APBB2: variants seen among roughly 807,000 people sequenced by gnomAD.
APBB2 encodes amyloid beta precursor protein binding family B member 2, also known as Fe65-like 1.
APBB2 carries 38 observed loss-of-function variants against 82.5 expected under a neutral mutation model. That is an observed-to-expected ratio of 0.46 (90% CI 0.36 to 0.60). The LOEUF is 0.60. APBB2 is among the 20% of genes least tolerant of loss of function. APBB2 has a pLI of 0.00. For synonymous variants in APBB2, 341 were observed against 368.2 expected (o/e 0.93, Z 0.85); for missense variants, 772 against 972.3 (o/e 0.79, Z 2.74).
chr4:40,908,014 G>GGT (rs558365424), intron 10 of APBB2, among the ~76,000 whole-genome samples: 4 of 151,070 alleles, frequency 2.6e-5, no homozygotes, highest in Admixed American at 6.6e-5. Flanking sequence ...ATGTGTATGT[G>GGT]GTGTGTGTGT....
At chr4:40,928,834 G>A (rs1324054769) in intron 10 of APBB2, among the ~76,000 whole-genome samples, 3 of 151,194 alleles carry the variant, frequency 2.0e-5, no homozygotes, top group Non-Finnish European at 2.9e-5. Flanking sequence ...GCAGTGAGCC[G>A]AGATCGCACC....
chr4:40,923,437 C>G (rs551412464), intron 10 of APBB2, among the ~76,000 whole-genome samples: 4 of 152,210 alleles, frequency 2.6e-5, no homozygotes, highest in Non-Finnish European at 5.9e-5. Context: ...GCTTCAGGAC[C>G]CCCAGGTCTC....
intron 3 of APBB2, among the ~76,000 whole-genome samples, chr4:41,073,669 C>T (rs1368000545): frequency 4.6e-5 from 7 of 151,938 alleles, no homozygotes; most frequent in African/African-American, 9.7e-5. Flanking sequence ...TTTTTTTCTC[C>T]GTGGTAATGG....
In APBB2 at chr4:40,816,066, A is replaced by G. The variant is rs185604850; in HGVS notation, c.*26T>C. ...GTGTAGCTAGTCAATCTTCAGGTAA[A>G]TAGCCGAGTCCTTTTGCATGTGCAG... is the stretch of plus-strand genomic sequence containing the variant. On this transcript the variant is annotated 3_prime_UTR_variant, in exon 18 of 18. Coordinates refer to ENST00000508593, the MANE Select transcript of APBB2 (RefSeq NM_004307.2). 2 of 1,602,724 alleles carry G rather than the reference A, an allele frequency of 1.2e-6. No individual in the cohort carries two copies. The highest frequency in any genetic ancestry group is 2.2e-5 in the East Asian group (1 of 44,614).
intron 12 of APBB2, among the ~76,000 whole-genome samples, chr4:40,889,068 C>A (rs1172819691): frequency 6.6e-6 from 1 of 152,256 alleles, no homozygotes; most frequent in African/African-American, 2.4e-5. Flanking sequence ...GGTGTGCGCA[C>A]ATAATCCATC....
At chr4:41,077,506 A>C (rs1736054105) in intron 3 of APBB2, among the ~76,000 whole-genome samples, 1 of 152,226 alleles carries the variant, frequency 6.6e-6, no homozygotes, top group Non-Finnish European at 1.5e-5. Flanking sequence ...AAAAGAAACA[A>C]GTCACATACA....
chr4:41,097,749 ACAAT>A (rs1362340816), intron 3 of APBB2, among the ~76,000 whole-genome samples: 4 of 152,288 alleles, frequency 2.6e-5, no homozygotes, highest in African/African-American at 9.6e-5. Context: ...TCTACCTCAA[ACAAT>A]CAATTTTCTG....
chr4:41,207,995 TAAG>T (rs1390884951), intron 1 of APBB2: 2 of 152,268 alleles, frequency 1.3e-5, no homozygotes, highest in East Asian at 3.8e-4. Context: ...ATCATTGTGA[TAAG>T]AACAGTGAAA....
intron 3 of APBB2, among the ~76,000 whole-genome samples, chr4:41,090,010 T>C (rs578093920): frequency 6.6e-6 from 1 of 152,294 alleles, no homozygotes; most frequent in Non-Finnish European, 1.5e-5. Flanking sequence ...ATAATGGCAA[T>C]TTAACCCTAC....
chr4:40,920,621 C>T (rs760301482), intron 10 of APBB2, among the ~76,000 whole-genome samples: 24 of 152,180 alleles, frequency 1.6e-4, no homozygotes, highest in Non-Finnish European at 3.4e-4. Flanking sequence ...CCTGTAATCC[C>T]AGCACTTTGG....
At chr4:40,965,241 G>A (rs1028298821) in intron 6 of APBB2, among the ~76,000 whole-genome samples, 1 of 152,190 alleles carries the variant, frequency 6.6e-6, no homozygotes, top group Non-Finnish European at 1.5e-5. Context: ...TGCATGCGTG[G>A]AGCAGGGATG....
chr4:41,091,455 T>C (rs1019012890), intron 3 of APBB2, among the ~76,000 whole-genome samples: 12 of 152,322 alleles, frequency 7.9e-5, no homozygotes, highest in African/African-American at 2.4e-4. Context: ...TTTGTGAAGA[T>C]GTCAACATTT....
intron 12 of APBB2, among the ~76,000 whole-genome samples, chr4:40,858,380 G>T (rs980200781): frequency 2.0e-5 from 3 of 149,332 alleles, no homozygotes; most frequent in Non-Finnish European, 3.0e-5. Flanking sequence ...GCTTGAACCT[G>T]GGAGGTGGAG....
chr4:40,982,382 GGAA>G (rs1799140117), intron 6 of APBB2, among the ~76,000 whole-genome samples: 2 of 11,098 alleles, frequency 1.8e-4, no homozygotes, highest in Non-Finnish European at 3.2e-4. Flanking sequence ...AAGGAAGGAA[GGAA>G]GGAAGGAAAG....
chr4:40,895,462 G>GGCTGTGGCCAATTCAGAGCTA, intron 10 of APBB2, among the ~76,000 whole-genome samples: 1 of 152,382 alleles, frequency 6.6e-6, no homozygotes, highest in East Asian at 1.9e-4. Context: ...TGCCAGAGCT[G>GGCTGTGGCCAATTCAGAGCTA]GCTGTGGCCA....
In APBB2 at chr4:40,826,484, G is replaced by A. The variant is rs1450042279; in HGVS notation, c.1733-514C>T. Reference sequence around the variant, plus strand: ...CTCCTGGGTTCTAGCAATTCTACAGGTGCATGCTGCCATACCTGGCTAATT... The same window carrying A: ...CTCCTGGGTTCTAGCAATTCTACAGATGCATGCTGCCATACCTGGCTAATT... On this transcript the variant is annotated intron_variant, in intron 14 of 17. Transcript: ENST00000508593. This position sits in a 1 kb window ranked among gnomAD's most constrained non-coding sequence, Gnocchi z 4.5. Among the ~76,000 whole-genome samples, 2 of 151,912 alleles carry A rather than the reference G, an allele frequency of 1.3e-5. No homozygotes were observed. Among genetic ancestry groups the A allele is most frequent in the Non-Finnish European group, 2.9e-5 (2 of 67,996 alleles).
intron 12 of APBB2, among the ~76,000 whole-genome samples, chr4:40,852,314 G>A (rs1345270693): frequency 2.8e-5 from 4 of 142,930 alleles, no homozygotes; most frequent in African/African-American, 1.1e-4. Context: ...TCGTGACACT[G>A]CACTCCAGCC....
At chr4:41,115,612 T>A (rs1750709682) in intron 2 of APBB2, among the ~76,000 whole-genome samples, 1 of 151,896 alleles carries the variant, frequency 6.6e-6, no homozygotes. Flanking sequence ...ACAAGGAGCT[T>A]AAAAAAATTT....
chr4:40,889,198 C>G (rs968410289), intron 12 of APBB2, among the ~76,000 whole-genome samples: 4 of 152,256 alleles, frequency 2.6e-5, no homozygotes, highest in African/African-American at 9.6e-5. Context: ...AAGAAAGACA[C>G]TTCAGCTCTC....
Sources: allele counts gnomAD v4.1 joint callset (sites outside exome capture counted in the v4.1 genomes callset), GRCh38; gene constraint gnomAD v4.1.1; non-coding constraint Gnocchi (gnomAD v3.1); transcripts MANE v1.5; gene names NCBI Gene and HGNC (gene_info 2026-07-23, HGNC 2026-07-21).